The following MMD2 variants were observed in gnomAD, a reference collection of about 807,000 sequenced individuals.
MMD2 encodes the protein monocyte to macrophage differentiation factor 2.
In MMD2, 30 loss-of-function variants were observed where a neutral mutation model predicts 33.5. The ratio of observed to expected loss-of-function variants is 0.90; its 90% CI spans 0.67 to 1.22. MMD2 has a LOEUF of 1.22. Ranked by LOEUF, MMD2 falls within the 50% of genes most tolerant of loss-of-function variation. The probability of loss-of-function intolerance (pLI) is 0.00; values close to 1 mark genes in which losing one functional copy is unlikely to be tolerated. For missense variants in MMD2, 364 were observed against 325.4 expected (o/e 1.12, Z -0.91); for synonymous variants, 129 against 123.0 (o/e 1.05, Z -0.32).
chr7:4,909,606 ATTT>A, intron 6 of MMD2: 9 of 547,910 alleles, frequency 1.6e-5, no homozygotes, highest in South Asian at 4.2e-5. Context: ...CATCTGGCTA[ATTT>A]TTTTTTTTTT....
intron 1 of MMD2, among the ~76,000 whole-genome samples, chr7:4,950,450 T>C (rs1786210661): frequency 1.3e-5 from 2 of 152,082 alleles, no homozygotes; most frequent in African/African-American, 4.8e-5. Context: ...CAGAACTCTT[T>C]TTATCTTGCA....
the MMD2 span, among the ~76,000 whole-genome samples, chr7:4,899,288 A>G: frequency 1.3e-5 from 2 of 152,254 alleles, no homozygotes. Flanking sequence ...CAGCCAAAAT[A>G]GACAAAGGCT....
intron 4 of MMD2, among the ~76,000 whole-genome samples, chr7:4,914,169 A>T (rs1252433658): frequency 6.6e-6 from 1 of 152,106 alleles, no homozygotes; most frequent in Non-Finnish European, 1.5e-5. Context: ...AAAACTCCTC[A>T]TGGATATGGT....
rs2115150291 is a variant in MMD2 at position 4,945,694 on chromosome 7, C to G, written c.47+13277G>C. ...GGTTCAAACGATTCTCCTGCCTCAG[C>G]CTCCTAAGTAGCTGGGATTACAGGT... On this transcript the variant is annotated intron_variant, in intron 1 of 6. Transcript: ENST00000401401. Among the ~76,000 whole-genome samples the G allele has an allele frequency of 1.3e-5, 2 of 152,296 alleles. 1 individual carries two copies. Among genetic ancestry groups the G allele is most frequent in the South Asian group, 4.1e-4 (2 of 4,826 alleles).
chr7:4,936,093 G>C (rs1235192478), intron 1 of MMD2, among the ~76,000 whole-genome samples: 1 of 150,164 alleles, frequency 6.7e-6, no homozygotes, highest in Non-Finnish European at 1.5e-5. Flanking sequence ...GCTGAGGCAG[G>C]AAAATCACTT....
chr7:4,902,720 T>C (rs551727223), downstream of MMD2, among the ~76,000 whole-genome samples: 59 of 152,322 alleles, frequency 3.9e-4, no homozygotes, highest in Admixed American at 3.8e-3. Context: ...CCCCAGAGCC[T>C]GCATTTCGGC....
downstream of MMD2, among the ~76,000 whole-genome samples, chr7:4,901,884 GC>G (rs1339955497): frequency 6.6e-6 from 1 of 152,200 alleles, no homozygotes; most frequent in Non-Finnish European, 1.5e-5. Context: ...CACAAAATTG[GC>G]CCTGGCATGA....
At chr7:4,898,566 C>T in the MMD2 span, among the ~76,000 whole-genome samples, 29 of 152,006 alleles carry the variant, frequency 1.9e-4, no homozygotes, top group African/African-American at 7.0e-4. Context: ...CCAAATTCTA[C>T]GTTGAAAACC....
chr7:4,919,832 G>A (rs945417659), intron 3 of MMD2, among the ~76,000 whole-genome samples: 1 of 152,030 alleles, frequency 6.6e-6, no homozygotes, highest in African/African-American at 2.4e-5. Context: ...GGAGGCGGAG[G>A]TTGCAATGAG....
chr7:4,895,115 G>A, the MMD2 span, among the ~76,000 whole-genome samples: 2 of 147,004 alleles, frequency 1.4e-5, no homozygotes, highest in African/African-American at 2.6e-5. Context: ...GTCTCGCTCT[G>A]TCACCAGACT....
At chr7:4,925,364 G>C in intron 2 of MMD2, 87 bp downstream of exon 2, 3 of 1,094,998 alleles carry the variant, frequency 2.7e-6, no homozygotes, top group Non-Finnish European at 3.9e-6. Context: ...GGCCACTTAG[G>C]ACATACGTGA....
intron 1 of MMD2, 67 bp from the exon 2 acceptor site, chr7:4,925,599 G>T: frequency 7.9e-7 from 1 of 1,267,908 alleles, no homozygotes. Context: ...TTCCCAGGAA[G>T]CCTGAAGACC....
the MMD2 span, among the ~76,000 whole-genome samples, chr7:4,893,255 CCA>C: frequency 1.3e-5 from 2 of 151,232 alleles, no homozygotes; most frequent in Non-Finnish European, 1.5e-5. Context: ...CAGGGAGAGC[CCA>C]CAGAGTAAAG....
the MMD2 span, among the ~76,000 whole-genome samples, chr7:4,897,538 G>A: frequency 6.6e-6 from 1 of 152,158 alleles, no homozygotes; most frequent in Non-Finnish European, 1.5e-5. Context: ...CCACCCCAGA[G>A]AAAGGCCTTA....
intron 1 of MMD2, among the ~76,000 whole-genome samples, chr7:4,943,456 T>G (rs1235486658): frequency 6.6e-6 from 1 of 152,126 alleles, no homozygotes; most frequent in African/African-American, 2.4e-5. Context: ...CCTGCCCTTT[T>G]CAACTCACAC....
chr7:4,957,982 C>G (rs550713411), intron 1 of MMD2, among the ~76,000 whole-genome samples: 1 of 152,304 alleles, frequency 6.6e-6, no homozygotes, highest in East Asian at 1.9e-4. Flanking sequence ...AGTGACAAGC[C>G]ACACTGATGT....
At chr7:4,938,941 C>T (rs1013550281) in intron 1 of MMD2, among the ~76,000 whole-genome samples, 2 of 151,932 alleles carry the variant, frequency 1.3e-5, no homozygotes. Context: ...GGCTCGATGG[C>T]TCACGTCTGT....
chr7:4,949,237 C>T (rs1786173220), intron 1 of MMD2, among the ~76,000 whole-genome samples: 1 of 151,948 alleles, frequency 6.6e-6, no homozygotes, highest in South Asian at 2.1e-4. Flanking sequence ...AAATTATTAA[C>T]TATTGTCACC....
At chr7:4,920,634 TTTTC>T (rs1206349462) in intron 2 of MMD2, among the ~76,000 whole-genome samples, 13 of 150,396 alleles carry the variant, frequency 8.6e-5, no homozygotes, top group Admixed American at 5.3e-4. Context: ...CCTTTTTTTC[TTTTC>T]TTTCTCTTTT....
Sources: allele counts gnomAD v4.1 joint callset (sites outside exome capture counted in the v4.1 genomes callset), GRCh38; gene constraint gnomAD v4.1.1; transcripts MANE v1.5; gene names NCBI Gene and HGNC (gene_info 2026-07-23, HGNC 2026-07-21).